Variants in AFMID observed in about 807,000 individuals in gnomAD.
AFMID encodes the protein arylformamidase.
A neutral mutation model predicts 47.5 loss-of-function variants in AFMID; 39 were observed. The observed-to-expected ratio is 0.82, with a 90% CI of 0.64 to 1.07. The LOEUF (loss-of-function observed/expected upper bound fraction) is 1.07, where lower values mean the gene tolerates loss of function less well. Ranked by LOEUF, AFMID falls within the 50% of genes least tolerant of loss-of-function variation. The pLI is 0.00. For missense variants in AFMID, 375 were observed against 387.5 expected (o/e 0.97, Z 0.27); for synonymous variants, 130 against 153.2 (o/e 0.85, Z 1.12).
At chr17:78,205,052 A>G in intron 6 of AFMID, 41 bp from the exon 7 acceptor site, 1 of 1,579,482 alleles carries the variant, frequency 6.3e-7, no homozygotes, top group African/African-American at 1.3e-5. Context: ...GTTGTGGGGA[A>G]ACTGCGTGCA....
At chr17:78,203,526 A>G (rs1224187436) in intron 4 of AFMID, 1 of 152,034 alleles carries the variant, frequency 6.6e-6, no homozygotes, top group African/African-American at 2.4e-5. Context: ...CCACTGTCCC[A>G]GTTTGCTTGG....
chr17:78,194,852 G>A (rs980656874), intron 2 of AFMID, among the ~76,000 whole-genome samples: 3 of 151,950 alleles, frequency 2.0e-5, no homozygotes, highest in African/African-American at 7.3e-5. Flanking sequence ...GTGCCACCAC[G>A]CCTGGCTGAT....
Position 78,206,010 on chromosome 17 carries a change from T to C in AFMID, c.845T>C (p.Ile282Thr). The C allele has an allele frequency of 6.2e-7, 1 of 1,614,000 alleles. No homozygotes were observed. Among genetic ancestry groups the C allele is most frequent in the Non-Finnish European group, 8.5e-7 (1 of 1,180,008 alleles). ...EELHDVDHFE[I>T]VENLTQKDNV... The stretch of plus-strand genomic sequence containing the variant: ...CTCCACGATGTGGACCACTTTGAAA[T>C]TGTTGAGAATCTGACCCAGAAGGAC... Residue 282 changes from isoleucine to threonine, a missense_variant, in exon 10 of 11, where the codon ATT becomes ACT. Coordinates refer to ENST00000409257, the MANE Select transcript of AFMID (RefSeq NM_001010982.5).
chr17:78,192,055 A>G (rs2075983219), intron 2 of AFMID, among the ~76,000 whole-genome samples: 2 of 149,734 alleles, frequency 1.3e-5, no homozygotes, highest in Admixed American at 6.7e-5. Flanking sequence ...CTGGAGTGCA[A>G]TGGCATGATC....
At chr17:78,188,488 C>T (rs1030778550) in intron 1 of AFMID, among the ~76,000 whole-genome samples, 8 of 151,428 alleles carry the variant, frequency 5.3e-5, no homozygotes, top group African/African-American at 1.5e-4. Flanking sequence ...GGCATGATCT[C>T]GGCTCACTGC....
chr17:78,187,751 A>C (rs923221988), intron 1 of AFMID, among the ~76,000 whole-genome samples: 1 of 152,060 alleles, frequency 6.6e-6, no homozygotes, highest in East Asian at 1.9e-4. Context: ...CAGGAGTTCG[A>C]GACCAGCCTG....
At chr17:78,202,390 C>A (rs1160529602) in intron 2 of AFMID, 109 bp from the exon 3 acceptor site, 2 of 1,067,950 alleles carry the variant, frequency 1.9e-6, no homozygotes, top group African/African-American at 3.1e-5. Context: ...GATCGCGCCA[C>A]TGCACTCCAG....
chr17:78,194,877 A>G (rs977687899), intron 2 of AFMID, among the ~76,000 whole-genome samples: 1 of 151,950 alleles, frequency 6.6e-6, no homozygotes, highest in African/African-American at 2.4e-5. Flanking sequence ...TATTTTTAGT[A>G]GAGACGGGGT....
intron 1 of AFMID, among the ~76,000 whole-genome samples, chr17:78,188,808 A>G (rs2075878344): frequency 6.6e-6 from 1 of 152,144 alleles, no homozygotes; most frequent in Non-Finnish European, 1.5e-5. Flanking sequence ...TGTGTTAGCC[A>G]GGATGGTCTC....
At chr17:78,190,225 C>T (rs1481292688) in intron 1 of AFMID, among the ~76,000 whole-genome samples, 1 of 151,834 alleles carries the variant, frequency 6.6e-6, no homozygotes, top group Non-Finnish European at 1.5e-5. Context: ...CGACATTCAC[C>T]GCCCCTCCTC....
chr17:78,192,060 A>T (rs2075983306), intron 2 of AFMID, among the ~76,000 whole-genome samples: 1 of 147,122 alleles, frequency 6.8e-6, no homozygotes. Flanking sequence ...GTGCAATGGC[A>T]TGATCTCGAC....
At chr17:78,193,993 T>A (rs1263691741) in intron 2 of AFMID, among the ~76,000 whole-genome samples, 4 of 142,180 alleles carry the variant, frequency 2.8e-5, no homozygotes, top group African/African-American at 8.1e-5. Context: ...AAAAAAAAAA[T>A]TTAAAAATTA....
chr17:78,204,768 G>T (rs368914033), intron 5 of AFMID, 27 bp downstream of exon 5: 1 of 1,614,058 alleles, frequency 6.2e-7, no homozygotes, highest in Non-Finnish European at 8.5e-7. Flanking sequence ...CTGCAGGTCC[G>T]AGGGCCGGTG....
chr17:78,188,629 C>G (rs2075870237), intron 1 of AFMID, among the ~76,000 whole-genome samples: 2 of 151,742 alleles, frequency 1.3e-5, no homozygotes, highest in African/African-American at 4.8e-5. Flanking sequence ...CAGAGTCTCG[C>G]TCTATCGCCC....
intron 2 of AFMID, among the ~76,000 whole-genome samples, chr17:78,200,563 G>A (rs2076220384): frequency 6.6e-6 from 1 of 152,004 alleles, no homozygotes; most frequent in Admixed American, 6.6e-5. Flanking sequence ...GACAGAAGAG[G>A]GAGGGACACA....
intron 2 of AFMID, chr17:78,197,325 C>T: frequency 2.1e-6 from 2 of 938,626 alleles, no homozygotes; most frequent in East Asian, 2.7e-5. Context: ...AGAATTCTAC[C>T]CCTGAGAGTG....
chr17:78,197,902 A>T (rs1054123985), intron 2 of AFMID, among the ~76,000 whole-genome samples: 1 of 152,104 alleles, frequency 6.6e-6, no homozygotes, highest in Non-Finnish European at 1.5e-5. Context: ...AGGACGCTTG[A>T]GCCCAGGAGT....
chr17:78,205,810 C>G, intron 9 of AFMID, 72 bp downstream of exon 9: 1 of 1,599,504 alleles, frequency 6.3e-7, no homozygotes, highest in Non-Finnish European at 8.5e-7. Flanking sequence ...TTTCTTTTAC[C>G]CAAGTGGACA....
chr17:78,198,479 G>T (rs892826026), intron 2 of AFMID, among the ~76,000 whole-genome samples: 3 of 151,586 alleles, frequency 2.0e-5, no homozygotes, highest in Non-Finnish European at 4.4e-5. Context: ...ATGGTGGTGC[G>T]TGCCTGTAAT....
Sources: gnomAD v4.1 joint callset for allele counts (sites outside exome capture counted in the v4.1 genomes callset) on GRCh38, gnomAD v4.1.1 for gene constraint, MANE v1.5 for transcripts, NCBI Gene and HGNC (gene_info 2026-07-23, HGNC 2026-07-21) for gene names.